AKR7A3: variants seen among roughly 807,000 people sequenced by gnomAD.
AKR7A3 encodes the protein aldo-keto reductase family 7 member A3, also known as AFB1 aldehyde reductase 2.
In AKR7A3, 37 loss-of-function variants were observed where a neutral mutation model predicts 32.5. That is an observed-to-expected ratio of 1.14 (90% CI 0.88 to 1.50). The LOEUF is 1.50. AKR7A3 is among the 40% of genes most tolerant of loss of function. The probability of loss-of-function intolerance (pLI) is 0.00; values close to 1 mark genes in which losing one functional copy is unlikely to be tolerated. For missense variants in AKR7A3, 412 were observed against 453.2 expected (o/e 0.91, Z 0.83); for synonymous variants, 177 against 188.4 (o/e 0.94, Z 0.50).
Position 19,285,959 on chromosome 1 carries a change from C to G in AKR7A3, c.436G>C (p.Ala146Pro), listed in dbSNP as rs558006653. The change falls in exon 3 of 7, where the codon GCA becomes CCA. Residue 146 changes from alanine to proline, a missense_variant. Transcript: ENST00000361640. ...CAGATCTCGGCCACTTCCCAGGCTG[C>G]ATAGTTGGAGAGGCCAAGCTCCACG... ...KFVELGLSNY[A>P]AWEVAEICTL... 3.1e-6 allele frequency: 5 copies of G among 1,613,350 alleles called. No individual in the cohort carries two copies. In the South Asian group the frequency reaches 5.5e-5, roughly 18 times the overall value.
In AKR7A3 at chr1:19,283,822, C is replaced by T. The variant is rs1356114469; in HGVS notation, c.834+174G>A. 3.3e-5 allele frequency among the ~76,000 whole-genome samples: 5 copies of T among 151,502 alleles called. 1 individual carries two copies. Among genetic ancestry groups the T allele is most frequent in the African/African-American group, 1.2e-4 (5 of 41,106 alleles). ...CTCCAGCCTGGGTGACAGAGTGAGA[C>T]TCTGTCCCCCCAAAAAAAAAACATA... is the stretch of plus-strand genomic sequence containing the variant. On this transcript the variant is annotated intron_variant, in intron 6 of 6. Coordinates refer to ENST00000361640, the MANE Select transcript of AKR7A3 (RefSeq NM_012067.3).
chr1:19,288,726 G>C lies in AKR7A3; in HGVS notation c.-17C>G. On this transcript the variant is annotated 5_prime_UTR_variant, in exon 1 of 7. Coordinates refer to ENST00000361640, the MANE Select transcript of AKR7A3 (RefSeq NM_012067.3). Reference sequence around the variant, plus strand: ...CCGGGACATGACGGCGGCAACGGGAGACTGTGACAGCCCAGGAGCCGCGCG... The same window carrying C: ...CCGGGACATGACGGCGGCAACGGGACACTGTGACAGCCCAGGAGCCGCGCG... 1 of 1,474,614 alleles carries C rather than the reference G, an allele frequency of 6.8e-7. No individual in the cohort carries two copies. The highest frequency in any genetic ancestry group is 9.0e-7 in the Non-Finnish European group (1 of 1,116,064). 91.3% of individuals were successfully genotyped at this position (1,474,614 alleles called of 1,614,324 possible).
downstream of AKR7A3, among the ~76,000 whole-genome samples, chr1:19,281,475 A>C (rs2093718751): frequency 6.6e-6 from 1 of 151,594 alleles, no homozygotes; most frequent in Non-Finnish European, 1.5e-5. Flanking sequence ...AGTCTCTACA[A>C]AAATACAAAA....
At position 19,285,026 on chromosome 1, in the gene AKR7A3, G is replaced by A; in HGVS notation, c.596C>T (p.Pro199Leu). ...HFGLRFYAFN[P>L]LAGGLLTGKY... ...AGGAATGCTCCACGTACCAGCCAGA[G>A]GGTTGAAGGCATAGAACCTCAGTCC... is the stretch of plus-strand genomic sequence containing the variant. Residue 199 changes from proline (P) to leucine (L), a missense_variant, in exon 4 of 7, where the codon CCT becomes CTT. Coordinates refer to ENST00000361640, the MANE Select transcript of AKR7A3 (RefSeq NM_012067.3). 1.9e-6 allele frequency: 3 copies of A among 1,612,736 alleles called. No homozygotes were observed. The highest frequency in any genetic ancestry group is 2.5e-6 in the Non-Finnish European group (3 of 1,179,878).
intron 4 of AKR7A3, 33 bp downstream of exon 4, chr1:19,284,985 A>G (rs770966428): frequency 2.5e-6 from 4 of 1,611,482 alleles, no homozygotes; most frequent in Non-Finnish European, 3.4e-6. Context: ...GGTCGGGAAT[A>G]GGCTGAGACA....
chr1:19,288,222 C>T (rs919311088), intron 1 of AKR7A3, among the ~76,000 whole-genome samples: 4 of 152,150 alleles, frequency 2.6e-5, no homozygotes, highest in Non-Finnish European at 5.9e-5. Flanking sequence ...TCATTCCAGG[C>T]AAGACCAAGT....
downstream of AKR7A3, among the ~76,000 whole-genome samples, chr1:19,278,554 C>T (rs2093714240): frequency 6.6e-6 from 1 of 151,442 alleles, no homozygotes; most frequent in South Asian, 2.1e-4. Flanking sequence ...GAGTGAGACT[C>T]CATCTCAAAA....
rs772853676 is a variant in AKR7A3, at chr1:19,285,901, G to A, written c.494C>T (p.Pro165Leu). 3.7e-6 allele frequency: 6 copies of A among 1,613,560 alleles called. No individual in the cohort carries two copies. The highest frequency in any genetic ancestry group is 5.1e-6 in the Non-Finnish European group (6 of 1,179,882). The change falls in exon 3 of 7, where the codon CCC (proline) becomes CTC (leucine). Residue 165 changes from proline (P) to leucine (L), a missense_variant. Coordinates refer to ENST00000361640, the MANE Select transcript of AKR7A3 (RefSeq NM_012067.3). ...CCTGGCTCTCACCTGGTACACAGTG[G>A]GCAGGATCCAGCCGTTGCTCTTGCA... Reference protein sequence around the residue: ...TLCKSNGWILPTVYQGMYNAI... With the variant: ...TLCKSNGWILLTVYQGMYNAI...
intron 1 of AKR7A3, among the ~76,000 whole-genome samples, chr1:19,287,303 T>C (rs2151982776): frequency 8.1e-6 from 1 of 123,000 alleles, no homozygotes; most frequent in African/African-American, 3.6e-5. Flanking sequence ...CAAGACCCTG[T>C]CTCAAAAAAA....
At chr1:19,275,957 T>C in the AKR7A3 span, among the ~76,000 whole-genome samples, 2 of 151,904 alleles carry the variant, frequency 1.3e-5, no homozygotes, top group Non-Finnish European at 2.9e-5. Flanking sequence ...ATAATAGAAC[T>C]TAAGAAGAAA....
the AKR7A3 span, among the ~76,000 whole-genome samples, chr1:19,274,884 ATCTGTCTCTAAATAC>A: frequency 1.5e-5 from 2 of 133,870 alleles, no homozygotes; most frequent in Non-Finnish European, 3.2e-5. Context: ...CAGAGGGCAA[ATCTGTCTCTAAATAC>A]AAAAAAAAAA....
intron 1 of AKR7A3, 61 bp from the exon 2 acceptor site, chr1:19,286,433 G>A: frequency 6.5e-7 from 1 of 1,539,868 alleles, no homozygotes; most frequent in East Asian, 2.3e-5. Context: ...TGTAATCCCA[G>A]CACTTTGGGA....
intron 6 of AKR7A3, among the ~76,000 whole-genome samples, chr1:19,283,777 C>G (rs560676153): frequency 1.3e-5 from 2 of 151,914 alleles, no homozygotes; most frequent in African/African-American, 4.8e-5. Context: ...GTTGCAGTGA[C>G]CCGAGATCAT....
At chr1:19,276,881 G>A in the AKR7A3 span, among the ~76,000 whole-genome samples, 9 of 151,904 alleles carry the variant, frequency 5.9e-5, no homozygotes, top group East Asian at 1.2e-3. Context: ...GGAGGTTGAG[G>A]CAGGCAGATC....
At chr1:19,280,072 T>G (rs1448284769), downstream of AKR7A3, among the ~76,000 whole-genome samples, 2 of 151,788 alleles carry the variant, frequency 1.3e-5, no homozygotes, top group Non-Finnish European at 2.9e-5. Context: ...GGGTAAATGA[T>G]TTGCAAGTAT....
At chr1:19,277,641 C>T (rs1207900307), downstream of AKR7A3, among the ~76,000 whole-genome samples, 2 of 151,788 alleles carry the variant, frequency 1.3e-5, no homozygotes, top group Non-Finnish European at 2.9e-5. Flanking sequence ...CGTGCCTCAG[C>T]TCTCGAATAG....
the AKR7A3 span, among the ~76,000 whole-genome samples, chr1:19,277,000 G>A: frequency 6.6e-6 from 1 of 151,718 alleles, no homozygotes; most frequent in Non-Finnish European, 1.5e-5. Context: ...TATAATCCCA[G>A]TTACTCAGGA....
At chr1:19,279,250 CT>C (rs1435493122), downstream of AKR7A3, among the ~76,000 whole-genome samples, 1 of 151,898 alleles carries the variant, frequency 6.6e-6, no homozygotes, top group Admixed American at 6.6e-5. Flanking sequence ...GCGTGAGCTA[CT>C]TTTTTATTAT....
intron 2 of AKR7A3, 83 bp from the exon 3 acceptor site, chr1:19,286,075 C>T: frequency 6.3e-7 from 1 of 1,590,354 alleles, no homozygotes; most frequent in South Asian, 1.1e-5. Flanking sequence ...GGGAGTTGGG[C>T]TGTTCCCTGC....
Sources: allele counts gnomAD v4.1 joint callset (sites outside exome capture counted in the v4.1 genomes callset), GRCh38; gene constraint gnomAD v4.1.1; transcripts MANE v1.5; gene names NCBI Gene and HGNC (gene_info 2026-07-23, HGNC 2026-07-21).